The following DMD variants were observed in gnomAD, a reference collection of about 807,000 sequenced individuals.
DMD encodes the protein mutant dystrophin.
A neutral mutation model predicts 330.1 loss-of-function variants in DMD; 63 were observed. The ratio of observed to expected loss-of-function variants is 0.19; its 90% CI spans 0.16 to 0.24. DMD has a LOEUF of 0.24. DMD is among the 10% of genes least tolerant of loss of function. The pLI is 1.00. For synonymous variants in DMD, 1,223 were observed against 959.8 expected (o/e 1.27, Z -5.07); for missense variants, 3,344 against 2,684.1 (o/e 1.25, Z -5.43).
intron 1 of DMD, among the ~76,000 whole-genome samples, chrX:33,325,628 C>T (rs1194897943): frequency 1.8e-5 from 2 of 111,925 alleles, no homozygotes; most frequent in African/African-American, 3.2e-5. Context: ...ATTCGCCAAC[C>T]CCAAATCCTT....
intron 48 of DMD, among the ~76,000 whole-genome samples, chrX:31,862,993 A>C (rs1019079330): frequency 1.8e-5 from 2 of 112,862 alleles, no homozygotes; most frequent in Non-Finnish European, 3.8e-5. Context: ...TCCAGTCCTC[A>C]CTTGGGGCTA....
chrX:31,452,206 C>A (rs1489316750), intron 59 of DMD, among the ~76,000 whole-genome samples: 4 of 93,562 alleles, frequency 4.3e-5, no homozygotes, highest in Non-Finnish European at 8.1e-5. Flanking sequence ...TTCTCAGACT[C>A]AACACGCTTC....
intron 47 of DMD, among the ~76,000 whole-genome samples, chrX:31,881,518 A>G (rs768848874): frequency 2.7e-5 from 3 of 111,996 alleles, no homozygotes; most frequent in South Asian, 3.7e-4. Flanking sequence ...GCTCACCACT[A>G]CCACTCACTC....
intron 41 of DMD, among the ~76,000 whole-genome samples, chrX:32,341,758 A>AT (rs1231221904): frequency 3.6e-5 from 4 of 111,937 alleles, no homozygotes; most frequent in Non-Finnish European, 7.5e-5. Flanking sequence ...AGCAATACAT[A>AT]TTTTTTGGAT....
intron 74 of DMD, among the ~76,000 whole-genome samples, chrX:31,160,355 C>G (rs916645841): frequency 9.0e-6 from 1 of 111,303 alleles, no homozygotes; most frequent in Non-Finnish European, 1.9e-5. Context: ...TGCTTCACCA[C>G]TAGAGCATAT....
At chrX:32,982,662 T>G (rs1056929862) in intron 2 of DMD, among the ~76,000 whole-genome samples, 2 of 111,355 alleles carry the variant, frequency 1.8e-5, no homozygotes, top group Non-Finnish European at 3.8e-5. Context: ...GGAGCAGAAG[T>G]TGAGTGACTT....
chrX:31,996,789 AG>A (rs758529648), intron 44 of DMD, among the ~76,000 whole-genome samples: 23 of 111,097 alleles, frequency 2.1e-4, no homozygotes, highest in Non-Finnish European at 4.3e-4. Flanking sequence ...TTAATTAGTG[AG>A]TGAGTGAACA....
At chrX:32,639,116 G>A (rs1219393950) in intron 11 of DMD, among the ~76,000 whole-genome samples, 1 of 111,545 alleles carries the variant, frequency 9.0e-6, no homozygotes, top group East Asian at 2.8e-4. Context: ...TTTAGTTTCT[G>A]CCTGCATGTC....
chrX:32,008,760 G>A (rs1603620110), intron 44 of DMD, among the ~76,000 whole-genome samples: 1 of 111,596 alleles, frequency 9.0e-6, no homozygotes, highest in Middle Eastern at 4.6e-3. Flanking sequence ...TGAAGATGGA[G>A]GATTAAAAGA....
intron 2 of DMD, among the ~76,000 whole-genome samples, chrX:32,898,168 G>A (rs1331932103): frequency 1.8e-5 from 2 of 111,903 alleles, no homozygotes; most frequent in Non-Finnish European, 3.8e-5. Flanking sequence ...ACCCACAAGA[G>A]TAAATAAAAG....
At chrX:31,803,362 T>C (rs1185263514) in intron 50 of DMD, among the ~76,000 whole-genome samples, 1 of 112,733 alleles carries the variant, frequency 8.9e-6, no homozygotes, top group African/African-American at 3.2e-5. Context: ...ACAATTGTGA[T>C]GATAATCTTT....
At chrX:32,564,549 T>G (rs2051454848) in intron 16 of DMD, among the ~76,000 whole-genome samples, 1 of 112,173 alleles carries the variant, frequency 8.9e-6, no homozygotes, top group South Asian at 3.6e-4. Context: ...TTAGGTCAAT[T>G]AATTGCTAAA....
At chrX:32,884,685 T>TG (rs899932032) in intron 2 of DMD, among the ~76,000 whole-genome samples, 1 of 111,510 alleles carries the variant, frequency 9.0e-6, no homozygotes, top group African/African-American at 3.3e-5. Context: ...ATCAATACAC[T>TG]GGAACTCATT....
intron 59 of DMD, among the ~76,000 whole-genome samples, chrX:31,471,832 C>T (rs763061400): frequency 2.2e-4 from 24 of 111,421 alleles, no homozygotes; most frequent in South Asian, 3.8e-4. Flanking sequence ...AAAAATATAC[C>T]GTACTTATAA....
chrX:32,220,400 T>C (rs2097128206), intron 43 of DMD, among the ~76,000 whole-genome samples: 1 of 111,576 alleles, frequency 9.0e-6, no homozygotes, highest in Non-Finnish European at 1.9e-5. Flanking sequence ...AATAAGTAAC[T>C]ATTCAAACAA....
intron 50 of DMD, among the ~76,000 whole-genome samples, chrX:31,817,661 TC>T (rs1486098681): frequency 9.0e-6 from 1 of 111,164 alleles, no homozygotes; most frequent in African/African-American, 3.3e-5. Context: ...TCCCAGACTC[TC>T]CATACTGGCA....
At chrX:31,694,050 G>A (rs758203190) in intron 52 of DMD, among the ~76,000 whole-genome samples, 4 of 111,231 alleles carry the variant, frequency 3.6e-5, no homozygotes, top group Non-Finnish European at 7.6e-5. Flanking sequence ...AGCATGGCAA[G>A]TACATAAAAA....
chrX:32,805,680 T>G, intron 7 of DMD, among the ~76,000 whole-genome samples: 1 of 111,133 alleles, frequency 9.0e-6, no homozygotes, highest in Middle Eastern at 4.7e-3. Context: ...TTCAGGACAG[T>G]CAAAGAGAAA....
intron 52 of DMD, among the ~76,000 whole-genome samples, chrX:31,714,070 T>C (rs2084844611): frequency 8.9e-6 from 1 of 111,747 alleles, no homozygotes. Flanking sequence ...ATCAGTCTCA[T>C]CTATTCTGTC....
Sources: allele counts gnomAD v4.1 joint callset (sites outside exome capture counted in the v4.1 genomes callset), GRCh38; gene constraint gnomAD v4.1.1; transcripts MANE v1.5; gene names NCBI Gene and HGNC (gene_info 2026-07-23, HGNC 2026-07-21).